SLC9D1: variants seen among roughly 807,000 people sequenced by gnomAD.
The protein encoded by SLC9D1 is putative LAG1-interacting protein.
the SLC9D1 span, among the ~76,000 whole-genome samples, chr13:113,537,136 C>A: frequency 4.9e-4 from 74 of 152,336 alleles, no homozygotes; most frequent in African/African-American, 1.7e-3. Flanking sequence ...ATTCTCTTCT[C>A]ATTTGTAGGA....
the SLC9D1 span, among the ~76,000 whole-genome samples, chr13:113,511,134 C>T: frequency 1.3e-5 from 2 of 152,228 alleles, no homozygotes; most frequent in African/African-American, 2.4e-5. Context: ...TAGGCAGGAC[C>T]GTGTCCCTGT....
the SLC9D1 span, among the ~76,000 whole-genome samples, chr13:113,507,918 C>T: frequency 1.3e-5 from 2 of 152,362 alleles, no homozygotes; most frequent in African/African-American, 2.4e-5. Flanking sequence ...GGGGCCCTCC[C>T]GTCAGCGCCT....
the SLC9D1 span, chr13:113,547,401 G>A: frequency 3.1e-5 from 49 of 1,583,880 alleles, no homozygotes; most frequent in Non-Finnish European, 3.0e-5. Context: ...AAGGGTCCAC[G>A]CCCCTCGCAG....
the SLC9D1 span, chr13:113,530,518 A>C: frequency 2.0e-5 from 3 of 152,170 alleles, no homozygotes; most frequent in African/African-American, 7.2e-5. Context: ...AGTTTTTTCT[A>C]CTATATATAC....
At chr13:113,541,607 A>G in the SLC9D1 span, among the ~76,000 whole-genome samples, 1 of 142,710 alleles carries the variant, frequency 7.0e-6, no homozygotes, top group African/African-American at 2.6e-5. Flanking sequence ...ATTACCGTCC[A>G]GATGTGTGGA....
chr13:113,544,395 G>A, the SLC9D1 span, among the ~76,000 whole-genome samples: 5 of 152,180 alleles, frequency 3.3e-5, no homozygotes, highest in African/African-American at 7.2e-5. Flanking sequence ...TGGACGGCAC[G>A]TGGCAGTGTG....
chr13:113,521,292 C>T, the SLC9D1 span, among the ~76,000 whole-genome samples: 3 of 149,978 alleles, frequency 2.0e-5, no homozygotes, highest in African/African-American at 4.9e-5. Context: ...TCCACGTGTG[C>T]GTATGTGGGG....
chr13:113,548,234 C>G, the SLC9D1 span: 245,370 of 1,564,246 alleles, frequency 0.16, 21,411 homozygotes, highest in Admixed American at 0.36. Context: ...TCTGGGTTCT[C>G]TGTTTCGTGT....
chr13:113,520,822 T>C, the SLC9D1 span: 3 of 990,518 alleles, frequency 3.0e-6, no homozygotes, highest in South Asian at 4.2e-5. Flanking sequence ...AAAGAGATGT[T>C]CTGAGCTCAG....
chr13:113,514,904 G>A, the SLC9D1 span, among the ~76,000 whole-genome samples: 1 of 152,182 alleles, frequency 6.6e-6, no homozygotes, highest in Non-Finnish European at 1.5e-5. Flanking sequence ...TTTTTGTAGA[G>A]ATGGAGGTCT....
the SLC9D1 span, among the ~76,000 whole-genome samples, chr13:113,540,477 C>G: frequency 3.3e-5 from 5 of 152,228 alleles, no homozygotes; most frequent in Admixed American, 3.3e-4. Flanking sequence ...TTGCGTTTCT[C>G]TAATGACCAG....
the SLC9D1 span, chr13:113,524,107 T>G: frequency 4.4e-6 from 2 of 451,080 alleles, no homozygotes; most frequent in Non-Finnish European, 8.8e-6. Flanking sequence ...GAGTGGAGTT[T>G]TTTTTAATAT....
At chr13:113,523,341 G>T in the SLC9D1 span, among the ~76,000 whole-genome samples, 1 of 152,160 alleles carries the variant, frequency 6.6e-6, no homozygotes, top group Non-Finnish European at 1.5e-5. Context: ...AATAGTCACA[G>T]TAGATATTCA....
At chr13:113,547,408 G>A in the SLC9D1 span, 96 of 1,563,612 alleles carry the variant, frequency 6.1e-5, no homozygotes, top group Admixed American at 1.2e-3. Context: ...CACGCCCCTC[G>A]CAGTTTGCAG....
the SLC9D1 span, chr13:113,495,563 T>C: frequency 6.6e-7 from 1 of 1,519,748 alleles, no homozygotes; most frequent in Non-Finnish European, 8.8e-7. Context: ...TGCTGTGCCC[T>C]GCCCTCCGGA....
At chr13:113,548,985 G>A in the SLC9D1 span, among the ~76,000 whole-genome samples, 2 of 152,158 alleles carry the variant, frequency 1.3e-5, no homozygotes, top group Non-Finnish European at 2.9e-5. Flanking sequence ...ACCCAAGGCC[G>A]CATCCCCAGG....
the SLC9D1 span, among the ~76,000 whole-genome samples, chr13:113,547,973 G>A: frequency 7.7e-6 from 1 of 130,374 alleles, no homozygotes; most frequent in African/African-American, 2.7e-5. Flanking sequence ...GTATTAAAAA[G>A]AAATTTCCAC....
the SLC9D1 span, among the ~76,000 whole-genome samples, chr13:113,496,323 CA>C: frequency 6.6e-5 from 10 of 152,178 alleles, no homozygotes; most frequent in African/African-American, 1.7e-4. Flanking sequence ...CCTGGTAATT[CA>C]AAAAGTTATT....
chr13:113,545,913 G>A, the SLC9D1 span: 1 of 152,334 alleles, frequency 6.6e-6, no homozygotes, highest in African/African-American at 2.4e-5. Context: ...AGATGGGAAG[G>A]AAGCCTGGAA....
Sources: allele counts gnomAD v4.1 joint callset (sites outside exome capture counted in the v4.1 genomes callset), GRCh38; gene constraint gnomAD v4.1.1; transcripts MANE v1.5; gene names NCBI Gene and HGNC (gene_info 2026-07-23, HGNC 2026-07-21).